Variants in LRIT3 observed in about 807,000 individuals in gnomAD.
LRIT3 encodes leucine-rich repeat, immunoglobulin-like domain and transmembrane domain-containing protein 3.
Under a neutral mutation model 22.6 loss-of-function variants are expected in LRIT3, and 14 were observed. The observed-to-expected ratio is 0.62, with a 90% CI of 0.41 to 0.97. The LOEUF is 0.97. Ranked by LOEUF, LRIT3 falls within the 50% of genes least tolerant of loss-of-function variation. LRIT3 has a pLI of 0.00. For missense variants in LRIT3, 783 were observed against 803.0 expected, an observed-to-expected ratio of 0.98 and a Z score of 0.30; for synonymous variants, 306 against 304.5, an observed-to-expected ratio of 1.01 and a Z score of -0.05.
chr4:109,859,101 A>C (rs1734473899), intron 2 of LRIT3, among the ~76,000 whole-genome samples: 1 of 152,164 alleles, frequency 6.6e-6, no homozygotes, highest in African/African-American at 2.4e-5. Flanking sequence ...ACCACAATGC[A>C]ATGGGGCTCT....
At chr4:109,864,988 A>ATAAAAATGT in intron 2 of LRIT3, 1 of 1,071,088 alleles carries the variant, frequency 9.3e-7, no homozygotes, top group Admixed American at 3.6e-5. Context: ...ATCAATAGAG[A>ATAAAAATGT]TAAAAATGTT....
In LRIT3 at chr4:109,851,609, G is replaced by A. The variant is rs148450929; in HGVS notation, c.222G>A (p.Ala74=). The part of the protein sequence containing the change: ...IEKTVIRRIS[A]EAFYYLVELQ... ...AGACTGTCATCCGCAGAATCTCTGC[G>A]GAGGCCTTCTATTACCTGGTGGAGC... Residue 74 remains alanine (A), a synonymous_variant, in exon 2 of 4, where the codon GCG becomes GCA. Coordinates refer to ENST00000594814, the MANE Select transcript of LRIT3 (RefSeq NM_198506.5). 2,392 of 1,551,744 alleles carry A rather than the reference G, an allele frequency of 1.5e-3. 26 individuals are homozygous for A. Among genetic ancestry groups the A allele is most frequent in the South Asian group, 1.3e-3 (110 of 84,064 alleles).
intron 2 of LRIT3, among the ~76,000 whole-genome samples, chr4:109,857,928 T>C (rs1734442331): frequency 6.6e-6 from 1 of 151,190 alleles, no homozygotes; most frequent in South Asian, 2.1e-4. Context: ...GAGGTTTTAA[T>C]GAGAGCCCTG....
In LRIT3 at chr4:109,848,278, C is replaced by T; in HGVS notation, c.77C>T (p.Thr26Ile). Residue 26 changes from threonine (T) to isoleucine (I), a missense_variant, in exon 1 of 4, where the codon ACC (threonine) becomes ATC (isoleucine). Thr to Ile is a moderately conservative substitution (Grantham distance 89). Around this residue, in one of 2 missense-constraint regions of LRIT3, gnomAD observed 27 missense variants for 49.2 expected, o/e 0.55. Transcript: ENST00000594814. ...GVGCLCPSQC[T>I]CDYHGRNDGS... ...GGCTGTTTGTGTCCTTCACAGTGCA[C>T]CTGTGATTATCACGGCAGAAATGAC... 8.1e-7 allele frequency: 1 copy of T among 1,231,806 alleles called. No homozygotes were observed. Among genetic ancestry groups the T allele is most frequent in the Non-Finnish European group, 1.0e-6 (1 of 987,692 alleles). 76.3% of individuals were successfully genotyped at this position (1,231,806 alleles called of 1,614,324 possible). A position where few individuals can be genotyped will look rare whatever the true frequency, so the allele number is the denominator to read the frequency against.
chr4:109,853,434 T>C (rs1734321097), intron 2 of LRIT3, among the ~76,000 whole-genome samples: 1 of 152,196 alleles, frequency 6.6e-6, no homozygotes, highest in African/African-American at 2.4e-5. Flanking sequence ...TGGAGTTGTT[T>C]GTTTTTCTTT....
At chr4:109,865,891 T>C (rs1171604970) in intron 2 of LRIT3, among the ~76,000 whole-genome samples, 2 of 152,052 alleles carry the variant, frequency 1.3e-5, no homozygotes, top group Admixed American at 6.5e-5. Context: ...CAATATAAAA[T>C]AAACTAGAAA....
In LRIT3 at chr4:109,860,849, C is replaced by T. The variant is rs577323086; in HGVS notation, c.590-6792C>T. Among the ~76,000 whole-genome samples the T allele has an allele frequency of 2.0e-5, 3 of 152,340 alleles. No homozygotes were observed. In the South Asian group the frequency reaches 6.2e-4, roughly 32 times the overall value. ...TCAGCATCATGTTTTTGAAAATCAT[C>T]CATGCTGTCGCATGTATTGGTAGTT... On this transcript the variant is annotated intron_variant, in intron 2 of 3. Transcript: ENST00000594814.
rs1734809689 is a variant in LRIT3, at chr4:109,870,562, A to G, written c.1813A>G (p.Lys605Glu). 1.2e-6 allele frequency: 2 copies of G among 1,613,964 alleles called. No individual in the cohort carries two copies. The highest frequency in any genetic ancestry group is 1.3e-5 in the African/African-American group (1 of 74,922). ...ILPLICFLLY[K>E]VCKLQCKSEP... ...ACCATTGATTTGTTTCTTGTTGTAC[A>G]AAGTTTGCAAACTGCAATGTAAATC... The change falls in exon 4 of 4, where the codon AAA becomes GAA. Residue 605 changes from lysine (K) to glutamate (E), a missense_variant. By Grantham distance (56) the Lys-to-Glu change is moderately conservative. Around this residue, in one of 2 missense-constraint regions of LRIT3, gnomAD observed 756 missense variants for 753.8 expected, o/e 1.00. Transcript: ENST00000594814.
rs1734730540 is a variant in LRIT3, at chr4:109,868,119, C to T, written c.895+173C>T. On this transcript the variant is annotated intron_variant, in intron 3 of 3. Transcript: ENST00000594814. ...TTCATTAGTATTCTCCTCAGTTTAT[C>T]TAACTACCTAGATAAAATTAAACAA... Among the ~76,000 whole-genome samples, 3 of 152,172 alleles carry T rather than the reference C, an allele frequency of 2.0e-5. No homozygotes were observed. The South Asian group carries it at 6.2e-4, about 32-fold the overall frequency.
rs1231928247 is a variant in LRIT3 at position 109,869,664 on chromosome 4, G to A, written c.915G>A (p.Glu305=). The A allele has an allele frequency of 5.8e-6, 9 of 1,547,354 alleles. No individual in the cohort carries two copies. The highest frequency in any genetic ancestry group is 7.8e-6 in the Non-Finnish European group (9 of 1,147,760). Residue 305 remains glutamate, a synonymous_variant, in exon 4 of 4, where the codon GAG becomes GAA. Transcript: ENST00000594814. ...TTCCAGTAATACAAGAATCTCCAGA[G>A]GAAGGAGTCAGATGGTCCATAATGA... ...VNYTVIQESP[E]EGVRWSIMSL...
chr4:109,848,894 A>C (rs1401263544), intron 1 of LRIT3, among the ~76,000 whole-genome samples: 1 of 152,268 alleles, frequency 6.6e-6, no homozygotes, highest in Non-Finnish European at 1.5e-5. Flanking sequence ...CACAGAAGTT[A>C]TTCAATCTCT....
Position 109,870,415 on chromosome 4 carries a change from C to G in LRIT3, c.1666C>G (p.Pro556Ala). The change falls in exon 4 of 4, where the codon CCA becomes GCA. Residue 556 changes from proline (P) to alanine (A), a missense_variant. By Grantham distance (27) the Pro-to-Ala change is conservative. Around this residue, in one of 2 missense-constraint regions of LRIT3, gnomAD observed 756 missense variants for 753.8 expected, o/e 1.00. Transcript: ENST00000594814. The part of the protein sequence containing the change: ...PGGQYMACVC[P>A]KGVPPQKDQC... Reference sequence around the variant, plus strand: ...TGGGCAATACATGGCCTGTGTCTGTCCAAAAGGAGTGCCTCCCCAGAAAGA... The same window carrying G: ...TGGGCAATACATGGCCTGTGTCTGTGCAAAAGGAGTGCCTCCCCAGAAAGA... 1 of 1,614,132 alleles carries G rather than the reference C, an allele frequency of 6.2e-7. No individual in the cohort carries two copies.
chr4:109,869,533 TG>T, intron 3 of LRIT3, 111 bp from the exon 4 acceptor site: 1 of 1,044,130 alleles, frequency 9.6e-7, no homozygotes, highest in Non-Finnish European at 1.4e-6. Flanking sequence ...ATTTCCCTCT[TG>T]GCTTCTGTGA....
rs1734772781 is a variant in LRIT3, at chr4:109,869,700, C to A, written c.951C>A (p.Gly317=). Residue 317 remains glycine (G), a synonymous_variant, in exon 4 of 4, where the codon GGC becomes GGA. Transcript: ENST00000594814. The part of the protein sequence containing the change: ...GVRWSIMSLT[G]ISSKDAGDYK... ...GATGGTCCATAATGAGCTTGACAGGCATTTCTTCCAAAGACGCTGGGGATT... is the reference window on the plus strand; with the variant it reads ...GATGGTCCATAATGAGCTTGACAGGAATTTCTTCCAAAGACGCTGGGGATT... The A allele has an allele frequency of 6.3e-7, 1 of 1,598,534 alleles. No individual in the cohort carries two copies. The highest frequency in any genetic ancestry group is 1.1e-5 in the South Asian group (1 of 87,662).
chr4:109,853,092 A>T (rs1268650022), intron 2 of LRIT3, among the ~76,000 whole-genome samples: 1 of 152,256 alleles, frequency 6.6e-6, no homozygotes, highest in Non-Finnish European at 1.5e-5. Context: ...CTTTGGGTAT[A>T]TACCCAGTAA....
chr4:109,870,790 G>A lies in LRIT3; in HGVS notation c.*1G>A. ...TTCCAGACCAGAGTATTATTGCTAA[G>A]GTTCTGCAGCTCAGGTGCATGTGAG... On this transcript the variant is annotated 3_prime_UTR_variant, in exon 4 of 4. Transcript: ENST00000594814. The A allele has an allele frequency of 6.3e-7, 1 of 1,583,224 alleles. No individual in the cohort carries two copies.
intron 1 of LRIT3, among the ~76,000 whole-genome samples, chr4:109,850,423 CTT>C (rs368716173): frequency 1.6e-4 from 1 of 6,136 alleles, no homozygotes; most frequent in African/African-American, 3.5e-4. Flanking sequence ...TCCTTCCTTC[CTT>C]TCTTTCTTTC....
In LRIT3 at chr4:109,868,577, CG is replaced by C. The variant is rs1463232275; in HGVS notation, c.895+637del. ...AAAAAAAAAAAAAAAAAAAAAAGGA[CG>C]GGGGGCTTTTGTACAAGTCTCTCAT... On this transcript the variant is annotated intron_variant, in intron 3 of 3. Transcript: ENST00000594814. Among the ~76,000 whole-genome samples, 58 of 138,728 alleles carry C rather than the reference CG, an allele frequency of 4.2e-4. No homozygotes were observed. In the East Asian group the frequency reaches 0.011, roughly 27 times the overall value. The allele number at this position is 138,728 out of a possible 152,430, so 91.0% of individuals were successfully genotyped here. A position where few individuals can be genotyped will look rare whatever the true frequency, so the allele number is the denominator to read the frequency against.
intron 3 of LRIT3, among the ~76,000 whole-genome samples, chr4:109,868,327 T>C (rs1734736237): frequency 6.6e-6 from 1 of 152,098 alleles, no homozygotes; most frequent in African/African-American, 2.4e-5. Flanking sequence ...TCCCAGCACT[T>C]TGGGAGGCCG....
Sources: allele counts gnomAD v4.1 joint callset (sites outside exome capture counted in the v4.1 genomes callset), GRCh38; gene constraint gnomAD v4.1.1; regional missense constraint gnomAD v4.1.1; transcripts MANE v1.5; gene names NCBI Gene and HGNC (gene_info 2026-07-23, HGNC 2026-07-21).